The following STAU2 variants were observed in gnomAD, a reference collection of about 807,000 sequenced individuals.
The protein encoded by STAU2 is double-stranded RNA-binding protein Staufen homolog 2.
Under a neutral mutation model 65.9 loss-of-function variants are expected in STAU2, and 20 were observed. The ratio of observed to expected loss-of-function variants is 0.30; its 90% CI spans 0.21 to 0.44. The LOEUF (loss-of-function observed/expected upper bound fraction) is 0.44, where lower values mean the gene tolerates loss of function less well. STAU2 is among the 20% of genes least tolerant of loss of function. The probability of loss-of-function intolerance (pLI) is 1.00; values close to 1 mark genes in which losing one functional copy is unlikely to be tolerated. For synonymous variants in STAU2, 232 were observed against 233.9 expected (o/e 0.99, Z 0.07); for missense variants, 558 against 683.9 (o/e 0.82, Z 2.05).
At chr8:73,617,704 A>T (rs1351247070) in intron 6 of STAU2, among the ~76,000 whole-genome samples, 1 of 152,250 alleles carries the variant, frequency 6.6e-6, no homozygotes, top group East Asian at 1.9e-4. Flanking sequence ...TTATTTAATT[A>T]TATCACAGGA....
chr8:73,609,666 T>A (rs772851827), intron 9 of STAU2, among the ~76,000 whole-genome samples: 1 of 151,552 alleles, frequency 6.6e-6, no homozygotes, highest in Admixed American at 6.6e-5. Flanking sequence ...TAAAAAAAAA[T>A]TAAATTAATT....
intron 6 of STAU2, among the ~76,000 whole-genome samples, chr8:73,635,951 C>CACA (rs35939277): frequency 2.4e-4 from 13 of 54,714 alleles, no homozygotes; most frequent in South Asian, 5.1e-4. Flanking sequence ...CACACACACA[C>CACA]CCCTGGAACC....
chr8:73,619,903 A>G (rs1813101905), intron 6 of STAU2, among the ~76,000 whole-genome samples: 1 of 152,130 alleles, frequency 6.6e-6, no homozygotes, highest in Non-Finnish European at 1.5e-5. Context: ...TGCTTAACCT[A>G]AAATCAATTT....
intron 13 of STAU2, among the ~76,000 whole-genome samples, chr8:73,469,126 T>C (rs1819827905): frequency 6.6e-6 from 1 of 152,032 alleles, no homozygotes. Context: ...TATGCAGCCA[T>C]AAAAAAGGAT....
At chr8:73,653,969 T>A in intron 6 of STAU2, 1 of 353,666 alleles carries the variant, frequency 2.8e-6, no homozygotes, top group Non-Finnish European at 5.5e-6. Flanking sequence ...AGTTCTAATG[T>A]GGTTAGGAAG....
intron 6 of STAU2, among the ~76,000 whole-genome samples, chr8:73,666,083 T>C (rs980391821): frequency 5.9e-5 from 9 of 152,180 alleles, no homozygotes; most frequent in African/African-American, 2.2e-4. Flanking sequence ...GCTGAGCCCA[T>C]GGATACAGAA....
At chr8:73,509,756 T>C (rs182749523) in intron 13 of STAU2, among the ~76,000 whole-genome samples, 87 of 152,224 alleles carry the variant, frequency 5.7e-4, no homozygotes, top group African/African-American at 2.0e-3. Flanking sequence ...TGGTAGATAG[T>C]AAAAACAATT....
intron 13 of STAU2, among the ~76,000 whole-genome samples, chr8:73,547,708 A>G (rs1355206342): frequency 6.6e-6 from 1 of 152,182 alleles, no homozygotes; most frequent in Non-Finnish European, 1.5e-5. Flanking sequence ...CCAAACCCAC[A>G]AATGTGTTTT....
chr8:73,697,897 C>T (rs764838387), intron 4 of STAU2, among the ~76,000 whole-genome samples: 11 of 151,878 alleles, frequency 7.2e-5, no homozygotes, highest in Admixed American at 1.3e-4. Context: ...CTTGCCATCA[C>T]GGTGAAACCC....
At chr8:73,650,894 A>G (rs1815810916) in intron 6 of STAU2, among the ~76,000 whole-genome samples, 1 of 152,232 alleles carries the variant, frequency 6.6e-6, no homozygotes, top group South Asian at 2.1e-4. Flanking sequence ...ATATATATGT[A>G]AGGACTCTAA....
At chr8:73,644,531 C>T (rs911068955) in intron 6 of STAU2, among the ~76,000 whole-genome samples, 4 of 151,292 alleles carry the variant, frequency 2.6e-5, no homozygotes, top group African/African-American at 9.7e-5. Flanking sequence ...TCTAAGCCCA[C>T]ACCTCAAGAA....
At chr8:73,676,045 T>C (rs1818009461) in intron 5 of STAU2, among the ~76,000 whole-genome samples, 1 of 152,142 alleles carries the variant, frequency 6.6e-6, no homozygotes, top group Non-Finnish European at 1.5e-5. Context: ...ACAAATTGTA[T>C]ATAAATCTGA....
chr8:73,556,262 G>T (rs964138301), intron 12 of STAU2, among the ~76,000 whole-genome samples: 7 of 152,060 alleles, frequency 4.6e-5, no homozygotes, highest in Non-Finnish European at 1.0e-4. Context: ...TATAAACACA[G>T]TGATGAACAT....
chr8:73,543,757 C>A (rs535436182), intron 13 of STAU2, among the ~76,000 whole-genome samples: 46 of 152,290 alleles, frequency 3.0e-4, no homozygotes, highest in African/African-American at 1.0e-3. Flanking sequence ...TGGTTGAATT[C>A]ATGAATAAAT....
intron 2 of STAU2, 138 bp downstream of exon 2, chr8:73,739,614 CAATA>C: frequency 3.1e-6 from 2 of 643,304 alleles, no homozygotes; most frequent in Admixed American, 4.1e-5. Flanking sequence ...ATTTTTCTTA[CAATA>C]GTGTCCTCAG....
intron 6 of STAU2, among the ~76,000 whole-genome samples, chr8:73,634,313 A>C (rs1231812217): frequency 2.0e-5 from 3 of 151,988 alleles, no homozygotes; most frequent in Non-Finnish European, 4.4e-5. Flanking sequence ...GCGGATCACG[A>C]GGTCAAGAGA....
chr8:73,675,879 T>C (rs1277223110), intron 5 of STAU2, among the ~76,000 whole-genome samples: 1 of 152,094 alleles, frequency 6.6e-6, no homozygotes, highest in Non-Finnish European at 1.5e-5. Context: ...AAAGTTAACT[T>C]CCCGATAGAA....
At chr8:73,721,900 CTATTCATATGGT>C (rs1356980148) in intron 3 of STAU2, among the ~76,000 whole-genome samples, 1 of 152,148 alleles carries the variant, frequency 6.6e-6, no homozygotes, top group Non-Finnish European at 1.5e-5. Flanking sequence ...TTTAGTGTGA[CTATTCATATGGT>C]TAGGTTTGAT....
chr8:73,689,948 G>A (rs578159586), intron 4 of STAU2, among the ~76,000 whole-genome samples: 8 of 150,994 alleles, frequency 5.3e-5, no homozygotes, highest in Admixed American at 1.3e-4. Flanking sequence ...TAGATTATGG[G>A]ACATTCTATA....
Sources: gnomAD v4.1 joint callset for allele counts (sites outside exome capture counted in the v4.1 genomes callset) on GRCh38, gnomAD v4.1.1 for gene constraint, MANE v1.5 for transcripts, NCBI Gene and HGNC (gene_info 2026-07-23, HGNC 2026-07-21) for gene names.